BLM: variants seen among roughly 807,000 people sequenced by gnomAD.
BLM encodes the protein recQ-like DNA helicase BLM.
A neutral mutation model predicts 135.3 loss-of-function variants in BLM; 95 were observed. The ratio of observed to expected loss-of-function variants is 0.70; its 90% CI spans 0.59 to 0.83. The LOEUF is 0.83. BLM is among the 40% of genes least tolerant of loss of function. The pLI is 0.00. For synonymous variants in BLM, 520 were observed against 589.2 expected, an observed-to-expected ratio of 0.88 and a Z score of 1.70; for missense variants, 1,518 against 1,663.9, an observed-to-expected ratio of 0.91 and a Z score of 1.53.
At chr15:90,757,337 T>C (rs1895845823) in intron 5 of BLM, among the ~76,000 whole-genome samples, 1 of 152,122 alleles carries the variant, frequency 6.6e-6, no homozygotes, top group African/African-American at 2.4e-5. Context: ...TGTTTGCAGG[T>C]TTCCTTTGTA....
chr15:90,754,942 C>A lies in BLM; in HGVS notation c.1087+4C>A. On this transcript the variant is annotated splice_donor_region_variant and intron_variant, in intron 5 of 21. Transcript: ENST00000355112. ...GAAACCAGCACAGACTGTGACGGTA[C>A]AAGCAATATTTTAGACATACCATGT... 1 of 1,613,642 alleles carries A rather than the reference C, an allele frequency of 6.2e-7. No individual in the cohort carries two copies. The highest frequency in any genetic ancestry group is 1.1e-5 in the South Asian group (1 of 91,048).
intron 21 of BLM, 63 bp downstream of exon 21, chr15:90,811,469 G>A (rs1240887143): frequency 1.1e-5 from 17 of 1,512,540 alleles, no homozygotes; most frequent in Non-Finnish European, 1.5e-5. Flanking sequence ...AAGTGCAACA[G>A]CTCTGCCTTG....
chr15:90,795,687 A>G (rs745874153), intron 16 of BLM, among the ~76,000 whole-genome samples: 15 of 152,116 alleles, frequency 9.9e-5, no homozygotes, highest in Non-Finnish European at 1.6e-4. Context: ...GGAATTTGGG[A>G]TACATCACTA....
chr15:90,782,045 C>T (rs543544455), intron 12 of BLM, among the ~76,000 whole-genome samples: 1 of 152,250 alleles, frequency 6.6e-6, no homozygotes, highest in South Asian at 2.1e-4. Flanking sequence ...GCCTTACTTC[C>T]ATTTCAGTGT....
At position 90,803,660 on chromosome 15, in the gene BLM, G is replaced by C; in HGVS notation, c.3498G>C (p.Gln1166His). Residue 1166 changes from glutamine (Q) to histidine (H), a missense_variant, in exon 18 of 22, where the codon CAG becomes CAC. By Grantham distance (24) the Gln-to-His change is conservative. This residue lies in a region of BLM where 626 missense variants were observed against 681.1 expected (regional missense o/e 0.92). Transcript: ENST00000355112. Reference protein sequence around the residue: ...DEDLYINANDQAIAYVMLGNK... With the variant: ...DEDLYINANDHAIAYVMLGNK... ...ACTTATATATCAATGCCAATGACCAGGCGATCGCTTATGTGATGCTCGGAA... is the reference window on the plus strand; with the variant it reads ...ACTTATATATCAATGCCAATGACCACGCGATCGCTTATGTGATGCTCGGAA... The C allele has an allele frequency of 6.2e-7, 1 of 1,614,094 alleles. No homozygotes were observed. The highest frequency in any genetic ancestry group is 8.5e-7 in the Non-Finnish European group (1 of 1,180,002).
intron 5 of BLM, among the ~76,000 whole-genome samples, chr15:90,757,677 CAT>C (rs773206749): frequency 6.6e-6 from 1 of 152,094 alleles, no homozygotes; most frequent in Non-Finnish European, 1.5e-5. Context: ...GCTTGTAAAC[CAT>C]TTAACTGACT....
In BLM at chr15:90,793,165, C is replaced by T. The variant is rs28385089; in HGVS notation, c.3020-1002C>T. On this transcript the variant is annotated intron_variant, in intron 15 of 21. Transcript: ENST00000355112. ...TTTTTTTTTTTTTGAGACGGAGTTG[C>T]GCTTTTGTCACCCAGGCTGGAGTGT... Among the ~76,000 whole-genome samples, 699 of 146,258 alleles carry T rather than the reference C, an allele frequency of 4.8e-3. 12 individuals carry two copies. The highest frequency in any genetic ancestry group is 0.031 in the East Asian group (155 of 5,064).
At chr15:90,725,831 C>T (rs894988947) in intron 1 of BLM, among the ~76,000 whole-genome samples, 1 of 151,678 alleles carries the variant, frequency 6.6e-6, no homozygotes, top group African/African-American at 2.4e-5. Flanking sequence ...TTTTTTCTGT[C>T]TTCTCTATTA....
At chr15:90,733,656 G>A (rs1379625373) in intron 1 of BLM, among the ~76,000 whole-genome samples, 1 of 152,104 alleles carries the variant, frequency 6.6e-6, no homozygotes, top group Non-Finnish European at 1.5e-5. Context: ...TTTTAAAGTA[G>A]CTTTATTGAT....
At chr15:90,739,354 T>C (rs923713910) in intron 1 of BLM, among the ~76,000 whole-genome samples, 3 of 151,936 alleles carry the variant, frequency 2.0e-5, no homozygotes, top group African/African-American at 7.3e-5. Context: ...TGAGCTGAGA[T>C]TGCGCCACTG....
chr15:90,747,838 C>T (rs938177126), intron 2 of BLM, among the ~76,000 whole-genome samples: 2 of 152,282 alleles, frequency 1.3e-5, no homozygotes, highest in African/African-American at 2.4e-5. Context: ...GACGGAGTCT[C>T]GCTCTGTCGC....
At chr15:90,728,773 A>G (rs1184998459) in intron 1 of BLM, among the ~76,000 whole-genome samples, 1 of 152,188 alleles carries the variant, frequency 6.6e-6, no homozygotes, top group Non-Finnish European at 1.5e-5. Flanking sequence ...TATTGATGAT[A>G]TAGAAAAACA....
intron 1 of BLM, among the ~76,000 whole-genome samples, chr15:90,727,104 T>C (rs1260431627): frequency 1.3e-5 from 2 of 152,200 alleles, no homozygotes; most frequent in Non-Finnish European, 2.9e-5. Flanking sequence ...ATTTGTTATT[T>C]TCTGTCTTTT....
At chr15:90,786,101 T>G (rs1207436579) in intron 14 of BLM, among the ~76,000 whole-genome samples, 1 of 143,348 alleles carries the variant, frequency 7.0e-6, no homozygotes, top group African/African-American at 2.5e-5. Context: ...CCTCAAACAA[T>G]CCTCCCACTT....
rs946819033 is a variant in BLM at position 90,734,689 on chromosome 15, A to G, written c.-4-12700A>G. Among the ~76,000 whole-genome samples the G allele has an allele frequency of 5.0e-5, 6 of 119,738 alleles. No individual in the cohort carries two copies. In the South Asian group the frequency reaches 1.8e-3, roughly 37 times the overall value. 78.6% of individuals were successfully genotyped at this position (119,738 alleles called of 152,430 possible). The stretch of plus-strand genomic sequence containing the variant: ...CGCGCACGCACGCACACACACACAC[A>G]CACACGCAGAGAGAGAGAGAGAGAG... On this transcript the variant is annotated intron_variant, in intron 1 of 21. Coordinates refer to ENST00000355112, the MANE Select transcript of BLM (RefSeq NM_000057.4).
rs147148171 is a variant in BLM, at chr15:90,803,588, C to T, written c.3426C>T (p.Ala1142=). The T allele has an allele frequency of 4.7e-5, 76 of 1,613,666 alleles. 2 individuals are homozygous for T. Among genetic ancestry groups the T allele is most frequent in the South Asian group, 4.6e-4 (42 of 91,060 alleles). ...GATCTGCTTATTCACGACACAATGC[C>T]GAAAGACTTTTTAAAAAGCTGATAC... ...GKGSAYSRHN[A]ERLFKKLILD... The change falls in exon 18 of 22, where the codon GCC becomes GCT. Residue 1142 remains alanine (A), a synonymous_variant. Transcript: ENST00000355112.
intron 1 of BLM, among the ~76,000 whole-genome samples, chr15:90,740,751 T>C (rs1333069642): frequency 6.6e-6 from 1 of 152,160 alleles, no homozygotes; most frequent in Non-Finnish European, 1.5e-5. Context: ...GCTGTTCTTG[T>C]GAGAGTGAAT....
At chr15:90,732,554 AAATT>A (rs1345965009) in intron 1 of BLM, among the ~76,000 whole-genome samples, 1 of 151,918 alleles carries the variant, frequency 6.6e-6, no homozygotes, top group Admixed American at 6.6e-5. Flanking sequence ...GGATTTCTGA[AAATT>A]AACGAAATGA....
intron 2 of BLM, among the ~76,000 whole-genome samples, chr15:90,748,646 TTTTACTTGTCCTGCAG>T (rs1895575418): frequency 6.6e-6 from 1 of 152,192 alleles, no homozygotes; most frequent in Non-Finnish European, 1.5e-5. Context: ...TTCCTGCGTC[TTTTACTTGTCCTGCAG>T]ATTTTAACAG....
Sources: gnomAD v4.1 joint callset for allele counts (sites outside exome capture counted in the v4.1 genomes callset) on GRCh38, gnomAD v4.1.1 for gene constraint, gnomAD v4.1.1 regional missense constraint, MANE v1.5 for transcripts, NCBI Gene and HGNC (gene_info 2026-07-23, HGNC 2026-07-21) for gene names.